The following GYPC variants were observed in gnomAD, a reference collection of about 807,000 sequenced individuals.
The protein encoded by GYPC is glycophorin C (Gerbich blood group).
In GYPC, 14 loss-of-function variants were observed where a neutral mutation model predicts 12.6. That is an observed-to-expected ratio of 1.11 (90% CI 0.74 to 1.74). GYPC has a LOEUF of 1.74. GYPC is among the 40% of genes most tolerant of loss of function. GYPC has a pLI of 0.00. For synonymous variants in GYPC, 78 were observed against 62.1 expected, an observed-to-expected ratio of 1.26 and a Z score of -1.20; for missense variants, 225 against 172.1, an observed-to-expected ratio of 1.31 and a Z score of -1.72.
intron 1 of GYPC, among the ~76,000 whole-genome samples, chr2:126,674,475 G>C (rs1244589915): frequency 6.6e-6 from 1 of 152,168 alleles, no homozygotes; most frequent in Non-Finnish European, 1.5e-5. Flanking sequence ...ATACAGGCTC[G>C]GCAAGGCCGC....
intron 1 of GYPC, among the ~76,000 whole-genome samples, chr2:126,681,795 GAAAGAAAGAAAGAAAAGA>G (rs1683157864): frequency 9.7e-6 from 1 of 103,168 alleles, no homozygotes; most frequent in Non-Finnish European, 2.2e-5. Context: ...AAAAAAAAAA[GAAAGAAAGAAAGAAAAGA>G]AAAGAAAGAA....
chr2:126,669,403 T>C (rs28387124), intron 1 of GYPC, among the ~76,000 whole-genome samples: 5 of 151,860 alleles, frequency 3.3e-5, no homozygotes, highest in Non-Finnish European at 7.4e-5. Context: ...CAACCCCTAG[T>C]CTATCTCTTA....
At chr2:126,660,824 C>G (rs576612780) in intron 1 of GYPC, among the ~76,000 whole-genome samples, 16 of 152,276 alleles carry the variant, frequency 1.1e-4, no homozygotes, top group Non-Finnish European at 2.1e-4. Flanking sequence ...CAACCCCAAA[C>G]AAATTCTAAA....
intron 1 of GYPC, among the ~76,000 whole-genome samples, chr2:126,667,365 A>G (rs1040204434): frequency 3.3e-5 from 5 of 150,410 alleles, no homozygotes. Context: ...TGACTCCTAC[A>G]TGCATTGCCT....
intron 1 of GYPC, among the ~76,000 whole-genome samples, chr2:126,660,246 C>A (rs28369972): frequency 6.6e-6 from 1 of 152,230 alleles, no homozygotes; most frequent in Non-Finnish European, 1.5e-5. Flanking sequence ...CTGTGTCCCA[C>A]CCCAGTCCAC....
intron 1 of GYPC, among the ~76,000 whole-genome samples, chr2:126,659,965 T>C (rs922889947): frequency 5.9e-5 from 9 of 152,222 alleles, no homozygotes; most frequent in African/African-American, 2.2e-4. Context: ...AATTTTTGTA[T>C]TTTTTGTAGA....
chr2:126,671,329 G>A (rs1174647923), intron 1 of GYPC, among the ~76,000 whole-genome samples: 1 of 152,242 alleles, frequency 6.6e-6, no homozygotes, highest in East Asian at 1.9e-4. Context: ...GAGAGCCAGA[G>A]CAGGTGCAAG....
chr2:126,681,425 T>C (rs1683146877), intron 1 of GYPC, among the ~76,000 whole-genome samples: 1 of 152,212 alleles, frequency 6.6e-6, no homozygotes, highest in Non-Finnish European at 1.5e-5. Context: ...CATTTTAGAC[T>C]GCATTACCAT....
At chr2:126,673,520 A>G (rs917737884) in intron 1 of GYPC, among the ~76,000 whole-genome samples, 45 of 152,176 alleles carry the variant, frequency 3.0e-4, no homozygotes, top group African/African-American at 9.7e-4. Context: ...TCCTAACACA[A>G]CTTGGTATCC....
chr2:126,690,700 G>T (rs423576), intron 2 of GYPC, among the ~76,000 whole-genome samples: 1 of 152,010 alleles, frequency 6.6e-6, no homozygotes, highest in South Asian at 2.1e-4. Context: ...CTTCTCCACC[G>T]TCTCCCTCAT....
At chr2:126,660,877 A>C (rs545806625) in intron 1 of GYPC, among the ~76,000 whole-genome samples, 1 of 151,924 alleles carries the variant, frequency 6.6e-6, no homozygotes, top group East Asian at 1.9e-4. Context: ...AGTCCTTCCC[A>C]CCTTCTCACC....
chr2:126,659,982 C>T (rs925053351), intron 1 of GYPC, among the ~76,000 whole-genome samples: 1 of 152,096 alleles, frequency 6.6e-6, no homozygotes, highest in African/African-American at 2.4e-5. Context: ...TAGAGACTTT[C>T]GGATGAAACA....
chr2:126,656,293 G>A lies in GYPC; in HGVS notation c.30G>A (p.Thr10=). The A allele has an allele frequency of 6.2e-7, 1 of 1,600,018 alleles. No individual in the cohort carries two copies. Among genetic ancestry groups the A allele is most frequent in the African/African-American group, 1.3e-5 (1 of 74,582 alleles). The stretch of plus-strand genomic sequence containing the variant: ...GGTCGACGAGAAGCCCCAACAGCAC[G>A]GCGTGGCCTCTCAGCCTCGGTGAGT... The part of the protein sequence containing the change: MWSTRSPNS[T]AWPLSLEPDP... Residue 10 remains threonine (T), a synonymous_variant, in exon 1 of 4, where the codon ACG becomes ACA. Transcript: ENST00000259254.
At chr2:126,689,794 G>A (rs1316224315) in intron 1 of GYPC, among the ~76,000 whole-genome samples, 11 of 152,206 alleles carry the variant, frequency 7.2e-5, no homozygotes, top group Admixed American at 7.2e-4. Context: ...AGAACTGTGA[G>A]CCAAACAAAC....
chr2:126,671,589 C>T (rs1017292942), intron 1 of GYPC, among the ~76,000 whole-genome samples: 2 of 152,198 alleles, frequency 1.3e-5, no homozygotes, highest in African/African-American at 4.8e-5. Flanking sequence ...AACCTGGTAG[C>T]TCCAGAGCTC....
In GYPC at chr2:126,696,033, C is replaced by A. The variant is rs926373246; in HGVS notation, c.278C>A (p.Thr93Asn). Residue 93 changes from threonine to asparagine, a missense_variant, in exon 4 of 4, where the codon ACC becomes AAC. Coordinates refer to ENST00000259254, the MANE Select transcript of GYPC (RefSeq NM_002101.5). ...YMYRHKGTYH[T>N]NEAKGTEFAE... ...TACCGGCACAAGGGCACGTACCACA[C>A]CAATGAGGCCAAGGGCACGGAGTTT... 6.2e-7 allele frequency: 1 copy of A among 1,614,102 alleles called. No homozygotes were observed.
chr2:126,692,515 T>C (rs1683502325), intron 2 of GYPC, among the ~76,000 whole-genome samples: 1 of 152,176 alleles, frequency 6.6e-6, no homozygotes, highest in African/African-American at 2.4e-5. Context: ...TTCTCTGTTT[T>C]ATTATGTAGA....
At chr2:126,690,046 G>A (rs370959244) in intron 1 of GYPC, among the ~76,000 whole-genome samples, 36 of 152,312 alleles carry the variant, frequency 2.4e-4, no homozygotes, top group African/African-American at 7.2e-4. Context: ...GGTTCAAACA[G>A]TTCCATCCCA....
At chr2:126,662,752 C>G (rs1275633558) in intron 1 of GYPC, among the ~76,000 whole-genome samples, 1 of 152,184 alleles carries the variant, frequency 6.6e-6, no homozygotes. Flanking sequence ...GGGCTTTGTT[C>G]GGAGGATTCA....
Sources: gnomAD v4.1 joint callset for allele counts (sites outside exome capture counted in the v4.1 genomes callset) on GRCh38, gnomAD v4.1.1 for gene constraint, MANE v1.5 for transcripts, NCBI Gene and HGNC (gene_info 2026-07-23, HGNC 2026-07-21) for gene names.